Variants in ANTXR1 observed in about 807,000 individuals in gnomAD.
ANTXR1 encodes ANTXR cell adhesion molecule 1, also known as anthrax toxin receptor 1.
A neutral mutation model predicts 78.1 loss-of-function variants in ANTXR1; 19 were observed. The ratio of observed to expected loss-of-function variants is 0.24; its 90% CI spans 0.17 to 0.36. The LOEUF (loss-of-function observed/expected upper bound fraction) is 0.36, where lower values mean the gene tolerates loss of function less well. ANTXR1 is among the 10% of genes least tolerant of loss of function. The pLI, the probability that ANTXR1 is intolerant of heterozygous loss-of-function variation, is 1.00. For synonymous variants in ANTXR1, 273 were observed against 260.5 expected (o/e 1.05, Z -0.46); for missense variants, 518 against 718.6 (o/e 0.72, Z 3.19).
At chr2:69,241,919 T>C (rs1675905130) in intron 17 of ANTXR1, among the ~76,000 whole-genome samples, 3 of 152,224 alleles carry the variant, frequency 2.0e-5, no homozygotes, top group South Asian at 4.2e-4. Context: ...ACAGGCGGTA[T>C]GATTACCCCC....
intron 12 of ANTXR1, among the ~76,000 whole-genome samples, chr2:69,151,753 G>A (rs559112242): frequency 6.6e-6 from 1 of 152,190 alleles, no homozygotes; most frequent in Non-Finnish European, 1.5e-5. Context: ...GTTCAGGGGA[G>A]CAGGCTGAAT....
intron 3 of ANTXR1, among the ~76,000 whole-genome samples, chr2:69,045,205 G>A (rs770852476): frequency 2.6e-5 from 4 of 152,174 alleles, no homozygotes; most frequent in Non-Finnish European, 5.9e-5. Flanking sequence ...AGACAGGTAA[G>A]AGCTTGAAAT....
chr2:69,019,163 CTT>C (rs1671110390), intron 1 of ANTXR1, among the ~76,000 whole-genome samples: 2 of 152,208 alleles, frequency 1.3e-5, no homozygotes, highest in African/African-American at 4.8e-5. Context: ...TGGAAGATGG[CTT>C]AGTGTCTGCA....
chr2:69,134,561 C>T (rs1192827173), intron 12 of ANTXR1, among the ~76,000 whole-genome samples: 2 of 152,158 alleles, frequency 1.3e-5, no homozygotes, highest in Non-Finnish European at 2.9e-5. Context: ...AATAGAAAAG[C>T]TTTCAGACTC....
chr2:69,200,583 C>A (rs542437536), intron 17 of ANTXR1, among the ~76,000 whole-genome samples: 2 of 152,328 alleles, frequency 1.3e-5, no homozygotes, highest in African/African-American at 4.8e-5. Flanking sequence ...TTTCTTCTAA[C>A]CCCTTTCCTT....
intron 10 of ANTXR1, among the ~76,000 whole-genome samples, chr2:69,106,916 A>G (rs1671825851): frequency 6.6e-6 from 1 of 152,254 alleles, no homozygotes; most frequent in South Asian, 2.1e-4. Context: ...AAATGTGTTT[A>G]AAATGTGTGA....
At chr2:69,176,675 C>T (rs1232747700) in intron 14 of ANTXR1, among the ~76,000 whole-genome samples, 1 of 152,144 alleles carries the variant, frequency 6.6e-6, no homozygotes, top group African/African-American at 2.4e-5. Context: ...ATGATAGTTG[C>T]TTGAGTTAGT....
chr2:69,185,830 T>C (rs1199543690), intron 16 of ANTXR1, among the ~76,000 whole-genome samples: 2 of 152,156 alleles, frequency 1.3e-5, no homozygotes, highest in African/African-American at 4.8e-5. Flanking sequence ...GGAAATGACC[T>C]AGGATGCCGG....
Position 69,039,950 on chromosome 2 carries a change from G to A in ANTXR1, c.153-94G>A. 3 of 1,059,844 alleles carry A rather than the reference G, an allele frequency of 2.8e-6. No individual in the cohort carries two copies. The East Asian group carries it at 7.7e-5, about 27-fold the overall frequency. The allele number at this position is 1,059,844 out of a possible 1,614,324, so 65.7% of individuals were successfully genotyped here. ...AGTAATGAGTCCAGTTATTGGAGAG[G>A]TCAAATGTAAAATAACAGAATGTGA... On this transcript the variant is annotated intron_variant, in intron 1 of 17. Transcript: ENST00000303714.
chr2:69,145,898 C>T, intron 12 of ANTXR1: 2 of 985,820 alleles, frequency 2.0e-6, no homozygotes, highest in Non-Finnish European at 2.4e-6. Context: ...GCCTATATTC[C>T]ACCTGCCAAG....
At chr2:69,220,770 G>A (rs1328167598) in intron 17 of ANTXR1, among the ~76,000 whole-genome samples, 1 of 152,148 alleles carries the variant, frequency 6.6e-6, no homozygotes, top group Non-Finnish European at 1.5e-5. Flanking sequence ...GCAGATTGTT[G>A]GGGGCCAATC....
chr2:69,064,397 C>T (rs188081404), intron 3 of ANTXR1, among the ~76,000 whole-genome samples: 1 of 152,278 alleles, frequency 6.6e-6, no homozygotes, highest in Non-Finnish European at 1.5e-5. Context: ...GTGGCTGCAA[C>T]AGTCCAACAA....
chr2:69,179,058 C>G (rs76927008), intron 14 of ANTXR1, among the ~76,000 whole-genome samples: 1 of 152,138 alleles, frequency 6.6e-6, no homozygotes, highest in Non-Finnish European at 1.5e-5. Flanking sequence ...TTTTGTATAT[C>G]TGTGTTCACA....
At chr2:69,193,460 C>A in intron 17 of ANTXR1, 45 bp downstream of exon 17, 1 of 1,082,364 alleles carries the variant, frequency 9.2e-7, no homozygotes, top group South Asian at 1.3e-5. Flanking sequence ...CTCTCTCTCT[C>A]ACATACACAC....
At chr2:69,069,544 C>G (rs1303355388) in intron 3 of ANTXR1, among the ~76,000 whole-genome samples, 2 of 152,216 alleles carry the variant, frequency 1.3e-5, no homozygotes, top group African/African-American at 4.8e-5. Flanking sequence ...CCCACTTCCT[C>G]TAGCATTGTT....
chr2:69,166,685 C>T (rs528092380), intron 13 of ANTXR1, among the ~76,000 whole-genome samples: 2 of 152,290 alleles, frequency 1.3e-5, no homozygotes, highest in South Asian at 4.1e-4. Context: ...GACCCTTCAA[C>T]CCTATCCATC....
In ANTXR1 at chr2:69,058,324, G is replaced by T. The variant is rs1377627299; in HGVS notation, c.297-12323G>T. On this transcript the variant is annotated intron_variant, in intron 3 of 17. Transcript: ENST00000303714. ...CTTCAAATCTTCAAAGGACAGCCTA[G>T]CTCTCTTATAAGGAGTGAAGGTAGC... 2.6e-5 allele frequency among the ~76,000 whole-genome samples: 4 copies of T among 152,158 alleles called. No individual in the cohort carries two copies. In the East Asian group the frequency reaches 7.7e-4, roughly 29 times the overall value.
chr2:69,145,013 C>T (rs1673183067), intron 12 of ANTXR1, among the ~76,000 whole-genome samples: 1 of 152,150 alleles, frequency 6.6e-6, no homozygotes, highest in South Asian at 2.1e-4. Context: ...TGTGAATAAA[C>T]TGAAAAATGA....
Position 69,070,631 on chromosome 2 carries a change from T to C in ANTXR1, c.297-16T>C, listed in dbSNP as rs575112705. ...AAATACTCAAATAAGACTAACAGAG[T>C]GTCTTTGGATTTCAGAGAACAAATC... On this transcript the variant is annotated splice_polypyrimidine_tract_variant and intron_variant, in intron 3 of 17. Transcript: ENST00000303714. 1.2e-6 allele frequency: 2 copies of C among 1,612,972 alleles called. No individual in the cohort carries two copies. The highest frequency in any genetic ancestry group is 1.7e-6 in the Non-Finnish European group (2 of 1,179,102).
Sources: allele counts gnomAD v4.1 joint callset (sites outside exome capture counted in the v4.1 genomes callset), GRCh38; gene constraint gnomAD v4.1.1; transcripts MANE v1.5; gene names NCBI Gene and HGNC (gene_info 2026-07-23, HGNC 2026-07-21).